SMIM8: variants seen among roughly 807,000 people sequenced by gnomAD.
SMIM8 encodes small integral membrane protein 8.
In SMIM8, 8 loss-of-function variants were observed where a neutral mutation model predicts 8.1. The ratio of observed to expected loss-of-function variants is 0.99; its 90% CI spans 0.58 to 1.78. The LOEUF is 1.78. Among genes scored for constraint, SMIM8 ranks in the 40% most tolerant of loss-of-function variants. SMIM8 has a pLI of 0.00. For synonymous variants in SMIM8, 45 were observed against 39.7 expected (o/e 1.13, Z -0.50); for missense variants, 126 against 119.8 (o/e 1.05, Z -0.24).
At chr6:87,326,906 C>G (rs1776836567) in intron 1 of SMIM8, among the ~76,000 whole-genome samples, 2 of 107,512 alleles carry the variant, frequency 1.9e-5, no homozygotes, top group Non-Finnish European at 1.9e-5. Flanking sequence ...GAGTTTAAGT[C>G]TCTTTGTAGG....
chr6:87,328,409 G>T (rs1360845662), intron 1 of SMIM8, among the ~76,000 whole-genome samples: 2 of 152,110 alleles, frequency 1.3e-5, no homozygotes, highest in East Asian at 1.9e-4. Flanking sequence ...TTTGTTGATG[G>T]TGATGTACAG....
Position 87,340,300 on chromosome 6 carries a change from T to C in SMIM8, c.*26T>C, listed in dbSNP as rs1777199168. ...TAGTGCTGGTTAGTGCAGATGGACC[T>C]TTATTAAAGGTTCTGAAATCTTCAA... On this transcript the variant is annotated 3_prime_UTR_variant, in exon 4 of 4. Coordinates refer to ENST00000392863, the MANE Select transcript of SMIM8 (RefSeq NM_001042493.3). The C allele has an allele frequency of 2.0e-6, 3 of 1,533,918 alleles. No homozygotes were observed. Among genetic ancestry groups the C allele is most frequent in the Non-Finnish European group, 2.6e-6 (3 of 1,146,434 alleles).
intron 1 of SMIM8, among the ~76,000 whole-genome samples, chr6:87,328,697 G>C (rs1315514036): frequency 6.6e-6 from 1 of 152,216 alleles, no homozygotes. Flanking sequence ...GGATACTGCT[G>C]TCTTTTTGTT....
rs1299392441 is a variant in SMIM8 at position 87,341,959 on chromosome 6, A to G, written c.*1685A>G. On this transcript the variant is annotated 3_prime_UTR_variant, in exon 4 of 4. Coordinates refer to ENST00000392863, the MANE Select transcript of SMIM8 (RefSeq NM_001042493.3). ...CTTTTAGAATTTTTTACTATTCAAC[A>G]GAATAAGCTGATGTTTGGTGGCAGA... The G allele has an allele frequency of 3.3e-5, 5 of 152,212 alleles. No individual in the cohort carries two copies. Among genetic ancestry groups the G allele is most frequent in the African/African-American group, 1.2e-4 (5 of 41,474 alleles). 9.4% of individuals were successfully genotyped at this position (152,212 alleles called of 1,614,324 possible).
chr6:87,338,683 T>TA (rs1223034059), intron 3 of SMIM8, among the ~76,000 whole-genome samples: 1 of 152,176 alleles, frequency 6.6e-6, no homozygotes, highest in Non-Finnish European at 1.5e-5. Context: ...ATTCCACAGT[T>TA]AAAGAGTTTC....
At chr6:87,326,316 A>T (rs867427625) in intron 1 of SMIM8, among the ~76,000 whole-genome samples, 8 of 152,030 alleles carry the variant, frequency 5.3e-5, no homozygotes, top group African/African-American at 1.9e-4. Flanking sequence ...TAGCTTTTGA[A>T]TGTGTTTGCT....
chr6:87,331,733 A>G (rs1455996447), intron 2 of SMIM8, among the ~76,000 whole-genome samples: 2 of 152,156 alleles, frequency 1.3e-5, no homozygotes, highest in East Asian at 1.9e-4. Context: ...TCTTAGTTTG[A>G]TAGATGGTGT....
rs146390751 is a variant in SMIM8, at chr6:87,330,262, G to T, written c.-44-430G>T. On this transcript the variant is annotated intron_variant, in intron 1 of 3. Transcript: ENST00000392863. ...ATTTTATAATTCTCTGTCTTTTAAA[G>T]GAAATGCTTTCATTATTAATAAGGT... 2.7e-3 allele frequency among the ~76,000 whole-genome samples: 418 copies of T among 152,176 alleles called. 2 individuals are homozygous for T. The highest frequency in any genetic ancestry group is 9.8e-3 in the African/African-American group (407 of 41,502).
chr6:87,329,590 A>G (rs2127920030), intron 1 of SMIM8, among the ~76,000 whole-genome samples: 1 of 152,356 alleles, frequency 6.6e-6, no homozygotes, highest in South Asian at 2.1e-4. Context: ...CCTGCCCGGC[A>G]GGAAAGATAC....
At position 87,337,181 on chromosome 6, in the gene SMIM8, C is replaced by A; in HGVS notation, c.135+15C>A. ...TCATTAAACCTGTAAGAAATACATCCAGGATAAGACTTTGTGTTTAATCCA... is the reference window on the plus strand; with the variant it reads ...TCATTAAACCTGTAAGAAATACATCAAGGATAAGACTTTGTGTTTAATCCA... On this transcript the variant is annotated intron_variant, in intron 3 of 3. Coordinates refer to ENST00000392863, the MANE Select transcript of SMIM8 (RefSeq NM_001042493.3). 1.3e-6 allele frequency: 2 copies of A among 1,579,618 alleles called. No homozygotes were observed. Among genetic ancestry groups the A allele is most frequent in the South Asian group, 1.2e-5 (1 of 82,504 alleles).
At chr6:87,323,210 C>T (rs968677451) in intron 1 of SMIM8, among the ~76,000 whole-genome samples, 1 of 152,202 alleles carries the variant, frequency 6.6e-6, no homozygotes, top group Admixed American at 6.5e-5. Context: ...CAAAGCCTTT[C>T]CCCTTTTTTC....
intron 1 of SMIM8, chr6:87,329,367 T>G (rs974274616): frequency 6.6e-6 from 1 of 152,508 alleles, no homozygotes; most frequent in African/African-American, 2.4e-5. Flanking sequence ...CTTCACCTCC[T>G]GGGTTCAGGC....
intron 1 of SMIM8, among the ~76,000 whole-genome samples, chr6:87,325,690 G>A (rs901292399): frequency 1.3e-5 from 2 of 151,962 alleles, no homozygotes; most frequent in Non-Finnish European, 2.9e-5. Context: ...GAGGATTTTT[G>A]CATCAATGTT....
At chr6:87,331,364 A>C (rs2127921347) in intron 2 of SMIM8, among the ~76,000 whole-genome samples, 1 of 152,330 alleles carries the variant, frequency 6.6e-6, no homozygotes, top group Middle Eastern at 3.4e-3. Flanking sequence ...TTAGTTTTGT[A>C]CTTGAAAACA....
intron 2 of SMIM8, among the ~76,000 whole-genome samples, chr6:87,336,721 G>A (rs1296421939): frequency 2.0e-5 from 3 of 151,930 alleles, no homozygotes; most frequent in African/African-American, 4.9e-5. Flanking sequence ...ATGATACGAC[G>A]TGACTCAGAG....
chr6:87,333,396 A>G (rs988527145), intron 2 of SMIM8, among the ~76,000 whole-genome samples: 3 of 152,218 alleles, frequency 2.0e-5, no homozygotes, highest in African/African-American at 7.2e-5. Context: ...ACAAATACCC[A>G]AACTATAGCA....
rs751774139 is a variant in SMIM8 at position 87,341,018 on chromosome 6, GTTAA to G, written c.*750_*753del. The G allele has an allele frequency of 3.8e-4, 121 of 318,854 alleles. No homozygotes were observed. The highest frequency in any genetic ancestry group is 6.0e-4 in the Non-Finnish European group (106 of 177,394). The allele number at this position is 318,854 out of a possible 1,614,324, so 19.8% of individuals were successfully genotyped here. A position where few individuals can be genotyped will look rare whatever the true frequency, so the allele number is the denominator to read the frequency against. ...AAATGTTATCTATTTTAGTGTTTAT[GTTAA>G]TTAATGTTAATTAATTTTGTTTATG... On this transcript the variant is annotated 3_prime_UTR_variant, in exon 4 of 4. Transcript: ENST00000392863.
At chr6:87,328,560 G>T (rs1377444197) in intron 1 of SMIM8, among the ~76,000 whole-genome samples, 1 of 152,102 alleles carries the variant, frequency 6.6e-6, no homozygotes, top group African/African-American at 2.4e-5. Flanking sequence ...CAGTTAGGCT[G>T]CTCGGGGGTC....
Position 87,340,328 on chromosome 6 carries a change from G to C in SMIM8, c.*54G>C, listed in dbSNP as rs1484282922. 13 of 1,472,614 alleles carry C rather than the reference G, an allele frequency of 8.8e-6. No individual in the cohort carries two copies. The highest frequency in any genetic ancestry group is 1.2e-5 in the Non-Finnish European group (13 of 1,112,146). 91.2% of individuals were successfully genotyped at this position (1,472,614 alleles called of 1,614,324 possible). Reference sequence around the variant, plus strand: ...ATTAAAGGTTCTGAAATCTTCAAATGAAAGACCTTGTGAGTGTACAGTATC... The same window carrying C: ...ATTAAAGGTTCTGAAATCTTCAAATCAAAGACCTTGTGAGTGTACAGTATC... On this transcript the variant is annotated 3_prime_UTR_variant, in exon 4 of 4. Transcript: ENST00000392863.
Sources: allele counts gnomAD v4.1 joint callset (sites outside exome capture counted in the v4.1 genomes callset), GRCh38; gene constraint gnomAD v4.1.1; transcripts MANE v1.5; gene names NCBI Gene and HGNC (gene_info 2026-07-23, HGNC 2026-07-21).